The following KCNN2 variants were observed in gnomAD, a reference collection of about 807,000 sequenced individuals.
The protein encoded by KCNN2 is small conductance calcium-activated potassium channel protein 2.
A neutral mutation model predicts 55.5 loss-of-function variants in KCNN2; 24 were observed. The observed-to-expected ratio is 0.43, with a 90% CI of 0.31 to 0.61. The LOEUF (loss-of-function observed/expected upper bound fraction) is 0.61, where lower values mean the gene tolerates loss of function less well. Ranked by LOEUF, KCNN2 falls within the 20% of genes least tolerant of loss-of-function variation. KCNN2 has a pLI of 0.08. For missense variants in KCNN2, 754 were observed against 853.6 expected (o/e 0.88, Z 1.45); for synonymous variants, 431 against 336.1 (o/e 1.28, Z -3.09).
chr5:114,078,170 T>A (rs888592943), intron 1 of KCNN2, among the ~76,000 whole-genome samples: 4 of 152,196 alleles, frequency 2.6e-5, no homozygotes, highest in African/African-American at 9.6e-5. Context: ...ATGATTAAAA[T>A]GGATTTAAAA....
intron 1 of KCNN2, among the ~76,000 whole-genome samples, chr5:114,162,586 C>A (rs1225466676): frequency 6.6e-6 from 1 of 152,148 alleles, no homozygotes; most frequent in Non-Finnish European, 1.5e-5. Context: ...TTTGTCTGTG[C>A]CCTGCCGCCA....
chr5:114,108,292 G>C (rs576747167), intron 1 of KCNN2, among the ~76,000 whole-genome samples: 1 of 151,852 alleles, frequency 6.6e-6, no homozygotes, highest in Non-Finnish European at 1.5e-5. Context: ...TTGAAAATCT[G>C]TTTCCTCGTC....
At chr5:114,141,655 G>A (rs961664334) in intron 1 of KCNN2, among the ~76,000 whole-genome samples, 1 of 152,120 alleles carries the variant, frequency 6.6e-6, no homozygotes, top group South Asian at 2.1e-4. Context: ...CCAGTAATGG[G>A]ATGGCTGGGT....
intron 2 of KCNN2, among the ~76,000 whole-genome samples, chr5:114,299,124 ATTCT>A (rs1307505874): frequency 1.4e-5 from 1 of 71,554 alleles, no homozygotes; most frequent in Non-Finnish European, 2.5e-5. Context: ...CCTTCCTCTT[ATTCT>A]TTCTTTCTTT....
intron 4 of KCNN2, among the ~76,000 whole-genome samples, chr5:114,466,120 A>AAAAT (rs1311458825): frequency 6.6e-6 from 1 of 152,204 alleles, no homozygotes; most frequent in East Asian, 1.9e-4. Context: ...TTATTTTTAT[A>AAAAT]AAATAAGTCA....
chr5:114,323,649 A>ATTTTTTTTTTTTTTTTTTTTTTTT lies in KCNN2; in HGVS notation c.-184-37278_-184-37277insTTTTTTTTTTTTTTTTTTTTTTTT, dbSNP rs6149185. The stretch of plus-strand genomic sequence containing the variant: ...TAAGTATCATGATATAAACATATCA[A>ATTTTTTTTTTTTTTTTTTTTTTTT]TTTTTTTTTTTTTTTTTTGCTGGTC... On this transcript the variant is annotated intron_variant, in intron 2 of 10. Coordinates refer to the KCNN2 transcript ENST00000512097. Among the ~76,000 whole-genome samples, 570 of 85,224 alleles carry ATTTTTTTTTTTTTTTTTTTTTTTT rather than the reference A, an allele frequency of 6.7e-3. 114 individuals carry two copies. The highest frequency in any genetic ancestry group is 7.8e-3 in the Non-Finnish European group (345 of 44,018). The allele number at this position is 85,224 out of a possible 152,430, so 55.9% of individuals were successfully genotyped here.
chr5:114,217,804 A>T (rs1754037086), intron 1 of KCNN2, among the ~76,000 whole-genome samples: 1 of 152,144 alleles, frequency 6.6e-6, no homozygotes, highest in Non-Finnish European at 1.5e-5. Flanking sequence ...CTGTCAAAAG[A>T]AGAAAAAGAG....
At chr5:114,245,720 CTGTCT>C (rs1754737466) in intron 2 of KCNN2, among the ~76,000 whole-genome samples, 1 of 152,260 alleles carries the variant, frequency 6.6e-6, no homozygotes, top group Admixed American at 6.5e-5. Context: ...AAACATAGAG[CTGTCT>C]TAGATTATCT....
At chr5:114,240,193 G>A (rs1196404509) in intron 2 of KCNN2, among the ~76,000 whole-genome samples, 4 of 151,536 alleles carry the variant, frequency 2.6e-5, no homozygotes, top group African/African-American at 9.7e-5. Context: ...CAGTTTACAT[G>A]GTTTAACACT....
chr5:114,127,456 C>T (rs866035808), intron 1 of KCNN2, among the ~76,000 whole-genome samples: 4 of 152,186 alleles, frequency 2.6e-5, no homozygotes, highest in East Asian at 3.9e-4. Context: ...TGCACCTTGG[C>T]GTCTTTTAGC....
chr5:114,269,387 T>C (rs1209485051), intron 2 of KCNN2, among the ~76,000 whole-genome samples: 1 of 152,176 alleles, frequency 6.6e-6, no homozygotes, highest in Non-Finnish European at 1.5e-5. Flanking sequence ...GCCTGATGCA[T>C]GGCCTTTCCT....
At chr5:114,357,391 T>G (rs1334918043), upstream of KCNN2, among the ~76,000 whole-genome samples, 29 of 141,828 alleles carry the variant, frequency 2.0e-4, 1 homozygote, top group Admixed American at 2.8e-4. Context: ...GCTGGTGCGC[T>G]GCACCCACTA....
Position 114,248,446 on chromosome 5 carries a change from T to C in KCNN2, c.-185+26881T>C, listed in dbSNP as rs79740768. The stretch of plus-strand genomic sequence containing the variant: ...AGGTAGATGATAGTGAAAGGTAAGA[T>C]ATATATGGATCAAAGAGCACAGAAC... On this transcript the variant is annotated intron_variant, in intron 2 of 10. Coordinates refer to the KCNN2 transcript ENST00000512097. Among the ~76,000 whole-genome samples the C allele has an allele frequency of 5.4e-3, 824 of 152,248 alleles. 5 individuals are homozygous for C. The highest frequency in any genetic ancestry group is 0.019 in the African/African-American group (783 of 41,532).
At chr5:114,196,806 G>T (rs1263353091) in intron 1 of KCNN2, among the ~76,000 whole-genome samples, 1 of 151,646 alleles carries the variant, frequency 6.6e-6, no homozygotes, top group Non-Finnish European at 1.5e-5. Flanking sequence ...GGTTTTATTG[G>T]TGTTCTCTAT....
rs141202464 is a variant in KCNN2, at chr5:114,109,543, C to T, written c.-271+53043C>T. ...TGATTAAAACCCTTCTCCAGAGATG[C>T]ACACTTTTTTTTGTCTTAGCCATAA... On this transcript the variant is annotated intron_variant, in intron 1 of 10. Coordinates refer to the KCNN2 transcript ENST00000512097. 4.6e-5 allele frequency among the ~76,000 whole-genome samples: 7 copies of T among 152,142 alleles called. No homozygotes were observed. In the East Asian group the frequency reaches 1.4e-3, roughly 30 times the overall value.
At chr5:114,486,588 A>T (rs1439224080) in intron 5 of KCNN2, 9 of 400,648 alleles carry the variant, frequency 2.2e-5, no homozygotes, top group Admixed American at 3.9e-5. Flanking sequence ...ATGTACTTAT[A>T]CATTCAGCAC....
chr5:114,394,398 G>C (rs1758554598), intron 2 of KCNN2, among the ~76,000 whole-genome samples: 1 of 152,156 alleles, frequency 6.6e-6, no homozygotes, highest in South Asian at 2.1e-4. Context: ...TTTGTGATAG[G>C]TGTTGTGAAC....
chr5:114,365,562 G>A (rs929663905), intron 2 of KCNN2, among the ~76,000 whole-genome samples: 3 of 152,148 alleles, frequency 2.0e-5, no homozygotes, highest in Non-Finnish European at 2.9e-5. Context: ...GTAGCTTGCC[G>A]GGCCACACAG....
intron 1 of KCNN2, among the ~76,000 whole-genome samples, chr5:114,121,078 A>G (rs557543670): frequency 6.6e-6 from 1 of 152,326 alleles, no homozygotes; most frequent in Non-Finnish European, 1.5e-5. Flanking sequence ...AGTGCCATCC[A>G]GTCAGGGTGT....
Sources: allele counts gnomAD v4.1 joint callset (sites outside exome capture counted in the v4.1 genomes callset), GRCh38; gene constraint gnomAD v4.1.1; transcripts MANE v1.5; gene names NCBI Gene and HGNC (gene_info 2026-07-23, HGNC 2026-07-21).